The following TMEM50B variants were observed in gnomAD, a reference collection of about 807,000 sequenced individuals.
TMEM50B encodes the protein HCV p7-trans-regulated protein 3.
In TMEM50B, 14 loss-of-function variants were observed where a neutral mutation model predicts 23.4. The observed-to-expected ratio is 0.60, with a 90% CI of 0.39 to 0.93. The LOEUF (loss-of-function observed/expected upper bound fraction) is 0.93. Ranked by LOEUF, TMEM50B falls within the 40% of genes least tolerant of loss-of-function variation. TMEM50B has a pLI of 0.00. For synonymous variants in TMEM50B, 64 were observed against 62.3 expected, an observed-to-expected ratio of 1.03 and a Z score of -0.13; for missense variants, 159 against 193.0, an observed-to-expected ratio of 0.82 and a Z score of 1.04.
intron 5 of TMEM50B, among the ~76,000 whole-genome samples, chr21:33,457,716 C>T (rs1247759465): frequency 6.6e-6 from 1 of 151,716 alleles, no homozygotes; most frequent in Non-Finnish European, 1.5e-5. Flanking sequence ...TCCCTACATA[C>T]CTTACAGAAA....
Position 33,476,739 on chromosome 21 carries a change from C to T in TMEM50B, c.-42+3099G>A, listed in dbSNP as rs375553695. On this transcript the variant is annotated intron_variant, in intron 1 of 6. Transcript: ENST00000542230. ...TCGCACCACTGCACTCCAGCCTGGG[C>T]GACAGAGTGAGACTCCATCTCAAAA... Among the ~76,000 whole-genome samples the T allele has an allele frequency of 3.7e-4, 43 of 115,868 alleles. No individual in the cohort carries two copies. The East Asian group carries it at 0.011, about 29-fold the overall frequency. 76.0% of individuals were successfully genotyped at this position (115,868 alleles called of 152,430 possible). A position where few individuals can be genotyped will look rare whatever the true frequency, so the allele number is the denominator to read the frequency against.
intron 1 of TMEM50B, among the ~76,000 whole-genome samples, chr21:33,475,638 G>A (rs974769727): frequency 6.6e-6 from 1 of 150,442 alleles, no homozygotes; most frequent in Admixed American, 6.6e-5. Context: ...GAGCCACCGC[G>A]CCCAGGAAGA....
At chr21:33,455,654 T>TATATATGGAACAC in intron 6 of TMEM50B, 73 bp downstream of exon 6, 1 of 1,240,912 alleles carries the variant, frequency 8.1e-7, no homozygotes, top group Non-Finnish European at 1.2e-6. Context: ...ATGTGTTCCA[T>TATATATGGAACAC]ATATATGCTG....
In TMEM50B at chr21:33,479,974, C is replaced by A. The variant is rs1355500227; in HGVS notation, c.-178G>T. The A allele has an allele frequency of 6.6e-6, 1 of 152,218 alleles. No homozygotes were observed. Among genetic ancestry groups the A allele is most frequent in the African/African-American group, 2.4e-5 (1 of 41,462 alleles). The allele number at this position is 152,218 out of a possible 1,614,324, so 9.4% of individuals were successfully genotyped here. ...GCTGGGAGCAGACGCGAGGATAGAG[C>A]GCCGGTGAGGCGGGGCGAGGCGCCG... is the stretch of plus-strand genomic sequence containing the variant. On this transcript the variant is annotated 5_prime_UTR_variant, in exon 1 of 7. Transcript: ENST00000542230.
chr21:33,464,137 T>G (rs1428862894), intron 4 of TMEM50B, among the ~76,000 whole-genome samples: 2 of 152,078 alleles, frequency 1.3e-5, no homozygotes, highest in African/African-American at 4.8e-5. Flanking sequence ...TTACTTGCTC[T>G]GTGACTTTGG....
At chr21:33,440,727 C>CA (rs1280720632) in intron 7 of TMEM50B, among the ~76,000 whole-genome samples, 1 of 151,354 alleles carries the variant, frequency 6.6e-6, no homozygotes, top group African/African-American at 2.4e-5. Flanking sequence ...ACTAAAAATA[C>CA]AAAGATTAGC....
chr21:33,435,591 T>G (rs1472998397), intron 8 of TMEM50B, among the ~76,000 whole-genome samples: 1 of 152,054 alleles, frequency 6.6e-6, no homozygotes, highest in Non-Finnish European at 1.5e-5. Context: ...TATTCAACTA[T>G]TAGAAGTTGT....
chr21:33,439,044 T>C (rs1234441068), intron 8 of TMEM50B, among the ~76,000 whole-genome samples: 1 of 152,064 alleles, frequency 6.6e-6, no homozygotes, highest in Non-Finnish European at 1.5e-5. Context: ...GCTAACTCTC[T>C]TAAGTGTTGT....
chr21:33,452,454 C>T (rs1446453117), intron 6 of TMEM50B, among the ~76,000 whole-genome samples: 3 of 152,066 alleles, frequency 2.0e-5, no homozygotes, highest in African/African-American at 7.2e-5. Flanking sequence ...AAGGAAAGAA[C>T]CACTGGAAAG....
At chr21:33,445,423 CTTGT>C (rs541132093), downstream of TMEM50B, among the ~76,000 whole-genome samples, 1 of 152,282 alleles carries the variant, frequency 6.6e-6, no homozygotes, top group Non-Finnish European at 1.5e-5. Flanking sequence ...ACTTGGAAGT[CTTGT>C]TTTTCTTAGC....
At chr21:33,458,593 G>A (rs1230420338) in intron 5 of TMEM50B, among the ~76,000 whole-genome samples, 1 of 152,198 alleles carries the variant, frequency 6.6e-6, no homozygotes, top group Non-Finnish European at 1.5e-5. Flanking sequence ...CCTAGGGCTA[G>A]GGGAAGGAGT....
In TMEM50B at chr21:33,454,933, A is replaced by G. The variant is rs561679587; in HGVS notation, c.431+794T>C. Among the ~76,000 whole-genome samples, 65 of 152,144 alleles carry G rather than the reference A, an allele frequency of 4.3e-4. 2 individuals are homozygous for G. The South Asian group carries it at 0.012, about 29-fold the overall frequency. ...GGAGTTCGAGACCACTCTGGGCAAT[A>G]TGGTGAAACCTCGTCTCTACTAAAA... On this transcript the variant is annotated intron_variant, in intron 6 of 6. Transcript: ENST00000542230.
At chr21:33,465,272 A>G (rs925084180) in intron 4 of TMEM50B, 70 bp downstream of exon 4, 1 of 1,162,248 alleles carries the variant, frequency 8.6e-7, no homozygotes, top group Non-Finnish European at 1.3e-6. Flanking sequence ...AAGACTCACA[A>G]GAGAGGCTTT....
chr21:33,432,989 G>A (rs998909098), intron 8 of TMEM50B: 21 of 840,822 alleles, frequency 2.5e-5, no homozygotes, highest in African/African-American at 3.4e-5. Flanking sequence ...AGGTTCAAGC[G>A]ATTCTCCTGC....
At chr21:33,455,035 T>C (rs1054242518) in intron 6 of TMEM50B, among the ~76,000 whole-genome samples, 3 of 152,106 alleles carry the variant, frequency 2.0e-5, no homozygotes, top group African/African-American at 7.2e-5. Flanking sequence ...GGGAATCGCC[T>C]GAGTCCCGAG....
chr21:33,468,654 C>T (rs557439238), intron 2 of TMEM50B, 133 bp downstream of exon 2: 517 of 668,370 alleles, frequency 7.7e-4, no homozygotes, highest in Non-Finnish European at 1.1e-3. Context: ...ATCTAGAACT[C>T]TGATAATCAT....
At chr21:33,435,659 T>G (rs1601096957) in intron 8 of TMEM50B, among the ~76,000 whole-genome samples, 1 of 150,186 alleles carries the variant, frequency 6.7e-6, no homozygotes, top group African/African-American at 2.5e-5. Flanking sequence ...CCGAGGTGGG[T>G]GGATCATGAA....
At chr21:33,469,134 A>G (rs1568985630) in intron 1 of TMEM50B, among the ~76,000 whole-genome samples, 1 of 152,182 alleles carries the variant, frequency 6.6e-6, no homozygotes, top group Non-Finnish European at 1.5e-5. Flanking sequence ...TATTTGATAA[A>G]TGAGCACTAT....
intron 8 of TMEM50B, chr21:33,437,028 C>T: frequency 1.3e-6 from 2 of 1,556,952 alleles, no homozygotes; most frequent in Non-Finnish European, 1.8e-6. Flanking sequence ...TGCTAGAGTT[C>T]TGTCTGGACT....
Sources: allele counts gnomAD v4.1 joint callset (sites outside exome capture counted in the v4.1 genomes callset), GRCh38; gene constraint gnomAD v4.1.1; transcripts MANE v1.5; gene names NCBI Gene and HGNC (gene_info 2026-07-23, HGNC 2026-07-21).